Variants in GASK1B observed in about 807,000 individuals in gnomAD.
GASK1B encodes the protein Golgi-associated kinase 1B.
GASK1B carries 34 observed loss-of-function variants against 42.8 expected under a neutral mutation model. That is an observed-to-expected ratio of 0.79 (90% CI 0.60 to 1.06). GASK1B has a LOEUF of 1.06. GASK1B is among the 50% of genes least tolerant of loss of function. The pLI, the probability that GASK1B is intolerant of heterozygous loss-of-function variation, is 0.00. For missense variants in GASK1B, 686 were observed against 661.0 expected, an observed-to-expected ratio of 1.04 and a Z score of -0.42; for synonymous variants, 262 against 259.1, an observed-to-expected ratio of 1.01 and a Z score of -0.11.
chr4:158,171,434 T>C lies in GASK1B; in HGVS notation c.-59A>G. On this transcript the variant is annotated 5_prime_UTR_variant, in exon 2 of 5. Transcript: ENST00000585682. ...AAAGTCTGCAGTTGGCTCCTGCTAA[T>C]GTGATGCATGGTTTCCTGACTTCAG... 4 of 1,493,572 alleles carry C rather than the reference T, an allele frequency of 2.7e-6. No individual in the cohort carries two copies. Among genetic ancestry groups the C allele is most frequent in the East Asian group, 2.3e-5 (1 of 43,400 alleles). 92.5% of individuals were successfully genotyped at this position (1,493,572 alleles called of 1,614,324 possible).
chr4:158,152,801 C>G (rs1731608462), intron 3 of GASK1B, among the ~76,000 whole-genome samples: 1 of 152,150 alleles, frequency 6.6e-6, no homozygotes, highest in Non-Finnish European at 1.5e-5. Context: ...AATCCAGCAT[C>G]CATTTATGAT....
intron 2 of GASK1B, chr4:158,167,282 T>C (rs1732262322): frequency 1.3e-5 from 2 of 152,188 alleles, no homozygotes; most frequent in African/African-American, 4.8e-5. Context: ...TTGTTCCTCC[T>C]GCAGAAAACT....
At chr4:158,170,435 C>T (rs1732431103) in intron 2 of GASK1B, 31 bp downstream of exon 2, 2 of 1,614,204 alleles carry the variant, frequency 1.2e-6, no homozygotes, top group Non-Finnish European at 1.7e-6. Context: ...TCCCCAACAG[C>T]TGCAAATAAC....
rs1730434159 is a variant in GASK1B at position 158,125,901 on chromosome 4, T to C, written c.*1506A>G. On this transcript the variant is annotated 3_prime_UTR_variant, in exon 5 of 5. Coordinates refer to ENST00000585682, the MANE Select transcript of GASK1B (RefSeq NM_001128424.2). ...TTGTATCAATTAGATCTATAGATTT[T>C]TTTTTTCAAATCTAGCCTCTATTGT... The C allele has an allele frequency of 6.6e-6, 1 of 152,130 alleles. No homozygotes were observed. The highest frequency in any genetic ancestry group is 1.5e-5 in the Non-Finnish European group (1 of 68,008). The allele number at this position is 152,130 out of a possible 1,614,324, so 9.4% of individuals were successfully genotyped here.
chr4:158,131,334 C>T (rs1462596603), intron 3 of GASK1B, among the ~76,000 whole-genome samples: 2 of 152,220 alleles, frequency 1.3e-5, no homozygotes, highest in African/African-American at 4.8e-5. Flanking sequence ...ACTCCACGCA[C>T]AGCAGAAGAA....
intron 2 of GASK1B, chr4:158,169,341 A>G (rs943935163): frequency 6.6e-6 from 1 of 152,242 alleles, no homozygotes; most frequent in African/African-American, 2.4e-5. Context: ...GAGCACTTAG[A>G]CAAGAACCAC....
chr4:158,133,216 A>G (rs574765905), intron 3 of GASK1B, among the ~76,000 whole-genome samples: 65 of 152,322 alleles, frequency 4.3e-4, no homozygotes, highest in Non-Finnish European at 7.9e-4. Context: ...TTTTTTAAAT[A>G]CACATTAACT....
intron 3 of GASK1B, among the ~76,000 whole-genome samples, chr4:158,148,882 G>T (rs1731432616): frequency 6.6e-6 from 1 of 152,206 alleles, no homozygotes; most frequent in Non-Finnish European, 1.5e-5. Context: ...GCTGGAATTT[G>T]TTCTTGCTCA....
At chr4:158,162,716 C>T (rs951003779) in intron 2 of GASK1B, among the ~76,000 whole-genome samples, 4 of 152,150 alleles carry the variant, frequency 2.6e-5, no homozygotes, top group African/African-American at 4.8e-5. Flanking sequence ...CTCCTTCTGA[C>T]CCCAGATCAC....
At chr4:158,139,882 G>T (rs909887559) in intron 3 of GASK1B, among the ~76,000 whole-genome samples, 3 of 152,156 alleles carry the variant, frequency 2.0e-5, no homozygotes, top group Non-Finnish European at 4.4e-5. Context: ...TGCACTATGG[G>T]ATACAGTCGA....
intron 3 of GASK1B, among the ~76,000 whole-genome samples, chr4:158,138,911 A>G (rs889514869): frequency 1.3e-5 from 2 of 152,228 alleles, no homozygotes; most frequent in African/African-American, 4.8e-5. Flanking sequence ...ACATATACAT[A>G]TAGAATTTTC....
Position 158,171,500 on chromosome 4 carries a change from C to A in GASK1B, c.-125G>T. The A allele has an allele frequency of 9.7e-7, 1 of 1,033,682 alleles. No homozygotes were observed. The highest frequency in any genetic ancestry group is 1.3e-6 in the Non-Finnish European group (1 of 746,966). 64.0% of individuals were successfully genotyped at this position (1,033,682 alleles called of 1,614,324 possible). A position where few individuals can be genotyped will look rare whatever the true frequency, so the allele number is the denominator to read the frequency against. ...CGGGATATAAGTGGTCTCCAGTGGGCAGAGGTGGAAGGAAAGGGTTGGTGA... is the reference window on the plus strand; with the variant it reads ...CGGGATATAAGTGGTCTCCAGTGGGAAGAGGTGGAAGGAAAGGGTTGGTGA... On this transcript the variant is annotated 5_prime_UTR_variant, in exon 2 of 5. Transcript: ENST00000585682.
intron 4 of GASK1B, among the ~76,000 whole-genome samples, chr4:158,128,950 G>C (rs547418753): frequency 1.4e-4 from 21 of 152,290 alleles, no homozygotes; most frequent in African/African-American, 5.1e-4. Context: ...TAATTTAACT[G>C]TGGCAGAATG....
intron 2 of GASK1B, among the ~76,000 whole-genome samples, chr4:158,166,061 C>T (rs1173629828): frequency 2.6e-5 from 4 of 152,070 alleles, no homozygotes; most frequent in African/African-American, 4.8e-5. Flanking sequence ...ACATACAGGA[C>T]GAAAATCTGC....
At position 158,170,756 on chromosome 4, in the gene GASK1B, A is replaced by G. The variant is rs777741110; in HGVS notation, c.620T>C (p.Ile207Thr). 1 of 1,614,196 alleles carries G rather than the reference A, an allele frequency of 6.2e-7. No homozygotes were observed. Among genetic ancestry groups the G allele is most frequent in the Admixed American group, 1.7e-5 (1 of 60,032 alleles). Residue 207 changes from isoleucine (I) to threonine (T), a missense_variant, in exon 2 of 5, where the codon ATC becomes ACC. Physicochemically the swap from Ile to Thr is moderately conservative, Grantham distance 89 (BLOSUM62 -1). Coordinates refer to ENST00000585682, the MANE Select transcript of GASK1B (RefSeq NM_001128424.2). ...CCAGGAGGGGGCGCTCTCGCTGTAG[A>G]TCCTAATGTTGCTCTCCCTGGAGCT... ...QPSSRESNIR[I>T]YSESAPSWLS...
Position 158,125,279 on chromosome 4 carries a change from C to T in GASK1B, c.*2128G>A, listed in dbSNP as rs1380649918. On this transcript the variant is annotated 3_prime_UTR_variant, in exon 5 of 5. Transcript: ENST00000585682. ...TTTGGAATAACTGGAGGCAAATAAA[C>T]AAAGTTAAACCCTCACGTGGGAAGA... 6.6e-6 allele frequency: 1 copy of T among 152,064 alleles called. No homozygotes were observed. The highest frequency in any genetic ancestry group is 1.5e-5 in the Non-Finnish European group (1 of 68,010). The allele number at this position is 152,064 out of a possible 1,614,324, so 9.4% of individuals were successfully genotyped here. A position where few individuals can be genotyped will look rare whatever the true frequency, so the allele number is the denominator to read the frequency against.
Position 158,171,466 on chromosome 4 carries a change from C to T in GASK1B, c.-91G>A. On this transcript the variant is annotated 5_prime_UTR_variant, in exon 2 of 5. Coordinates refer to ENST00000585682, the MANE Select transcript of GASK1B (RefSeq NM_001128424.2). Reference sequence around the variant, plus strand: ...CATGGTTTCCTGACTTCAGCTGCCGCGTCCGCTTCGGGATATAAGTGGTCT... The same window carrying T: ...CATGGTTTCCTGACTTCAGCTGCCGTGTCCGCTTCGGGATATAAGTGGTCT... The T allele has an allele frequency of 1.4e-6, 2 of 1,398,902 alleles. No individual in the cohort carries two copies. Among genetic ancestry groups the T allele is most frequent in the East Asian group, 2.4e-5 (1 of 40,944 alleles). The allele number at this position is 1,398,902 out of a possible 1,614,324, so 86.7% of individuals were successfully genotyped here.
chr4:158,145,966 C>A (rs927225277), intron 3 of GASK1B, among the ~76,000 whole-genome samples: 1 of 152,118 alleles, frequency 6.6e-6, no homozygotes, highest in Non-Finnish European at 1.5e-5. Context: ...TATGAAGAAG[C>A]CATCAAACAC....
chr4:158,136,552 A>G (rs1054508321), intron 3 of GASK1B, among the ~76,000 whole-genome samples: 1 of 152,202 alleles, frequency 6.6e-6, no homozygotes, highest in African/African-American at 2.4e-5. Flanking sequence ...TAAAATGAGG[A>G]TGTTCTTCCT....
Sources: gnomAD v4.1 joint callset for allele counts (sites outside exome capture counted in the v4.1 genomes callset) on GRCh38, gnomAD v4.1.1 for gene constraint, MANE v1.5 for transcripts, NCBI Gene and HGNC (gene_info 2026-07-23, HGNC 2026-07-21) for gene names.